The following DLG2 variants were observed in gnomAD, a reference collection of about 807,000 sequenced individuals.
The protein encoded by DLG2 is disks large homolog 2.
In DLG2, 45 loss-of-function variants were observed where a neutral mutation model predicts 132.5. That is an observed-to-expected ratio of 0.34 (90% CI 0.27 to 0.44). The LOEUF is 0.44. Among genes scored for constraint, DLG2 ranks in the 20% least tolerant of loss-of-function variants. The pLI, the probability that DLG2 is intolerant of heterozygous loss-of-function variation, is 1.00. For missense variants in DLG2, 1,045 were observed against 1,196.9 expected, an observed-to-expected ratio of 0.87 and a Z score of 1.87; for synonymous variants, 424 against 419.6, an observed-to-expected ratio of 1.01 and a Z score of -0.13.
At chr11:83,932,624 A>G (rs1415886855) in intron 14 of DLG2, among the ~76,000 whole-genome samples, 3 of 152,258 alleles carry the variant, frequency 2.0e-5, no homozygotes, top group Non-Finnish European at 4.4e-5. Flanking sequence ...TACAGTATAC[A>G]GAAAGTACAA....
In DLG2 at chr11:83,753,523, A is replaced by G. The variant is rs573921757; in HGVS notation, c.1825+33167T>C. ...TTTCCTCTATACTGTATAGCATAGT[A>G]GATGTTTATTTAGGGAGTTTCCAGG... On this transcript the variant is annotated intron_variant, in intron 18 of 27. Coordinates refer to ENST00000376104, the MANE Select transcript of DLG2 (RefSeq NM_001142699.3). Among the ~76,000 whole-genome samples, 3 of 151,766 alleles carry G rather than the reference A, an allele frequency of 2.0e-5. No individual in the cohort carries two copies. The South Asian group carries it at 6.2e-4, about 31-fold the overall frequency.
intron 6 of DLG2, among the ~76,000 whole-genome samples, chr11:84,631,713 C>G (rs1016309849): frequency 2.2e-4 from 33 of 152,060 alleles, no homozygotes; most frequent in African/African-American, 7.7e-4. Flanking sequence ...AAATAAATAT[C>G]TTCACTGAAA....
At chr11:84,441,260 C>T (rs1331856195) in intron 7 of DLG2, among the ~76,000 whole-genome samples, 1 of 151,888 alleles carries the variant, frequency 6.6e-6, no homozygotes, top group Non-Finnish European at 1.5e-5. Context: ...AATCTTCCTC[C>T]CTCAGCCTCC....
At chr11:85,510,914 C>T (rs907667973) in intron 3 of DLG2, among the ~76,000 whole-genome samples, 14 of 152,250 alleles carry the variant, frequency 9.2e-5, no homozygotes, top group African/African-American at 3.4e-4. Flanking sequence ...TATAAAGACA[C>T]GTGCACACGT....
chr11:85,591,576 T>TA lies in DLG2; in HGVS notation c.40+7080dup, dbSNP rs35106864. On this transcript the variant is annotated intron_variant, in intron 3 of 27. Coordinates refer to ENST00000376104, the MANE Select transcript of DLG2 (RefSeq NM_001142699.3). ...CAACATGGTGAAACCCCGTCTCTAC[T>TA]AAAAAAAAATACAAAAATTAGCTGG... is the stretch of plus-strand genomic sequence containing the variant. Among the ~76,000 whole-genome samples the TA allele has an allele frequency of 3.9e-3, 592 of 151,002 alleles. 4 individuals are homozygous for TA. Among genetic ancestry groups the TA allele is most frequent in the African/African-American group, 0.014 (557 of 41,196 alleles).
chr11:83,595,131 A>G (rs561044935), intron 19 of DLG2, among the ~76,000 whole-genome samples: 11 of 59,836 alleles, frequency 1.8e-4, no homozygotes, highest in Admixed American at 2.5e-4. Context: ...TATTTATGGG[A>G]AAAAAAAACC....
chr11:84,559,290 C>T (rs1205641884), intron 6 of DLG2, among the ~76,000 whole-genome samples: 1 of 151,970 alleles, frequency 6.6e-6, no homozygotes, highest in Non-Finnish European at 1.5e-5. Flanking sequence ...GTTAACCAGA[C>T]ACAGAAGATA....
chr11:85,405,555 T>C (rs886293251), intron 3 of DLG2, among the ~76,000 whole-genome samples: 12 of 151,998 alleles, frequency 7.9e-5, no homozygotes, highest in African/African-American at 2.7e-4. Context: ...CTGCTTACCA[T>C]CCACCAGACA....
chr11:83,742,367 T>A (rs992575169), intron 18 of DLG2, among the ~76,000 whole-genome samples: 1 of 152,076 alleles, frequency 6.6e-6, no homozygotes, highest in African/African-American at 2.4e-5. Context: ...TTTTTAAAAC[T>A]TTAAAAGAGA....
intron 15 of DLG2, among the ~76,000 whole-genome samples, chr11:83,898,219 A>T (rs12281733): frequency 0.096 from 14,679 of 152,210 alleles, 838 homozygotes; most frequent in Middle Eastern, 0.2. Context: ...ATATTTATAA[A>T]CATTTGCAGA....
At chr11:84,477,154 A>C (rs978456008) in intron 7 of DLG2, among the ~76,000 whole-genome samples, 1 of 152,148 alleles carries the variant, frequency 6.6e-6, no homozygotes, top group Non-Finnish European at 1.5e-5. Context: ...GAGTAGAACC[A>C]CAACTTTTAC....
chr11:84,028,068 A>G (rs772936759), intron 11 of DLG2, among the ~76,000 whole-genome samples: 20 of 151,260 alleles, frequency 1.3e-4, no homozygotes, highest in Non-Finnish European at 2.7e-4. Context: ...AAAAAAAAAC[A>G]AAACACCTAT....
chr11:84,654,234 C>T (rs2099685484), intron 6 of DLG2, among the ~76,000 whole-genome samples: 1 of 152,174 alleles, frequency 6.6e-6, no homozygotes, highest in Admixed American at 6.5e-5. Context: ...ACACTCACCT[C>T]ATCCCATCTC....
chr11:84,493,272 C>A (rs531130758), intron 7 of DLG2, among the ~76,000 whole-genome samples: 1 of 152,186 alleles, frequency 6.6e-6, no homozygotes, highest in Admixed American at 6.5e-5. Context: ...AATTTTACCA[C>A]CTGCTTGAAA....
At chr11:84,616,613 A>C (rs1383014123) in intron 6 of DLG2, among the ~76,000 whole-genome samples, 2 of 152,130 alleles carry the variant, frequency 1.3e-5, no homozygotes, top group Non-Finnish European at 2.9e-5. Flanking sequence ...AAAACCCACA[A>C]TATAGTTTAC....
intron 7 of DLG2, among the ~76,000 whole-genome samples, chr11:84,333,416 CCA>C (rs1392166194): frequency 1.3e-5 from 2 of 152,180 alleles, no homozygotes; most frequent in African/African-American, 4.8e-5. Flanking sequence ...GGCATTCAAT[CCA>C]CAGTTTCTTT....
At chr11:83,731,480 A>G (rs1267677187) in intron 18 of DLG2, among the ~76,000 whole-genome samples, 1 of 152,028 alleles carries the variant, frequency 6.6e-6, no homozygotes, top group Admixed American at 6.6e-5. Flanking sequence ...TTCCTTTTTT[A>G]TGGGTGCATA....
chr11:84,353,440 T>G (rs1309930355), intron 7 of DLG2, among the ~76,000 whole-genome samples: 1 of 152,088 alleles, frequency 6.6e-6, no homozygotes, highest in East Asian at 1.9e-4. Flanking sequence ...TTCCTCTCCC[T>G]CATCTCCACA....
At chr11:85,051,077 T>C (rs1203709078) in intron 6 of DLG2, among the ~76,000 whole-genome samples, 1 of 152,138 alleles carries the variant, frequency 6.6e-6, no homozygotes, top group African/African-American at 2.4e-5. Flanking sequence ...TCATGCTTCT[T>C]AAACAGGGTA....
Sources: allele counts gnomAD v4.1 joint callset (sites outside exome capture counted in the v4.1 genomes callset), GRCh38; gene constraint gnomAD v4.1.1; transcripts MANE v1.5; gene names NCBI Gene and HGNC (gene_info 2026-07-23, HGNC 2026-07-21).